WDR89: variants seen among roughly 807,000 people sequenced by gnomAD.
WDR89 encodes WD repeat-containing protein 89.
In WDR89, 17 loss-of-function variants were observed where a neutral mutation model predicts 29.1. That is an observed-to-expected ratio of 0.58 (90% CI 0.40 to 0.88). The LOEUF (loss-of-function observed/expected upper bound fraction) is 0.88. Ranked by LOEUF, WDR89 falls within the 40% of genes least tolerant of loss-of-function variation. WDR89 has a pLI of 0.00. For missense variants in WDR89, 396 were observed against 456.3 expected, an observed-to-expected ratio of 0.87 and a Z score of 1.20; for synonymous variants, 138 against 157.8, an observed-to-expected ratio of 0.87 and a Z score of 0.94.
At position 63,627,328 on chromosome 14, in the gene WDR89, G is replaced by T. The variant is rs143115076; in HGVS notation, c.-137-2295C>A. Among the ~76,000 whole-genome samples, 377 of 152,162 alleles carry T rather than the reference G, an allele frequency of 2.5e-3. 4 individuals are homozygous for T. The highest frequency in any genetic ancestry group is 2.5e-3 in the Non-Finnish European group (170 of 68,012). The stretch of plus-strand genomic sequence containing the variant: ...TATGTAAGGAAGGATATTTATTAAA[G>T]AATTGTAATAACAAAAAAACCTAAC... On this transcript the variant is annotated intron_variant, in intron 1 of 2. Coordinates refer to ENST00000620954, the MANE Select transcript of WDR89 (RefSeq NM_080666.4).
intron 1 of WDR89, among the ~76,000 whole-genome samples, chr14:63,635,786 G>C (rs1883695495): frequency 6.6e-6 from 1 of 152,144 alleles, no homozygotes; most frequent in South Asian, 2.1e-4. Flanking sequence ...AAAACTTTTG[G>C]ATACAAGATT....
intron 1 of WDR89, among the ~76,000 whole-genome samples, chr14:63,629,679 G>A (rs1265288114): frequency 6.6e-6 from 1 of 152,216 alleles, no homozygotes; most frequent in African/African-American, 2.4e-5. Flanking sequence ...TGTGATGTTG[G>A]ATGGGAAAGG....
At chr14:63,620,982 C>T (rs1202176960) in intron 2 of WDR89, among the ~76,000 whole-genome samples, 1 of 151,528 alleles carries the variant, frequency 6.6e-6, no homozygotes, top group East Asian at 1.9e-4. Flanking sequence ...GTATGTAAGG[C>T]AGTGGGTATG....
Position 63,599,301 on chromosome 14 carries a change from G to C in WDR89, c.642C>G (p.Asn214Lys). The change falls in exon 3 of 3, where the codon AAC (asparagine) becomes AAG (lysine). Residue 214 changes from asparagine to lysine, a missense_variant. Coordinates refer to ENST00000620954, the MANE Select transcript of WDR89 (RefSeq NM_080666.4). Reference sequence around the variant, plus strand: ...CAATACAGCTTACTGATGAAATTGAGTTACAGGTTGTAACCAGTGCATCCT... The same window carrying C: ...CAATACAGCTTACTGATGAAATTGACTTACAGGTTGTAACCAGTGCATCCT... ...NEEDALVTTC[N>K]SISSVSCIGW... The C allele has an allele frequency of 1.2e-6, 2 of 1,613,956 alleles. No homozygotes were observed. Among genetic ancestry groups the C allele is most frequent in the Non-Finnish European group, 1.7e-6 (2 of 1,179,980 alleles).
At chr14:63,622,453 T>C (rs1882760500) in intron 2 of WDR89, among the ~76,000 whole-genome samples, 2 of 152,132 alleles carry the variant, frequency 1.3e-5, no homozygotes, top group Non-Finnish European at 2.9e-5. Context: ...TGGTGGCACA[T>C]GCCTATAATC....
chr14:63,602,398 G>A (rs148355331), intron 2 of WDR89, among the ~76,000 whole-genome samples: 5 of 147,416 alleles, frequency 3.4e-5, no homozygotes, highest in African/African-American at 1.3e-4. Flanking sequence ...TTGAGGTAGA[G>A]GTTGCAATGA....
intron 2 of WDR89, among the ~76,000 whole-genome samples, chr14:63,622,207 G>A (rs1882739517): frequency 6.6e-6 from 1 of 152,098 alleles, no homozygotes; most frequent in Non-Finnish European, 1.5e-5. Flanking sequence ...GGCCGAGGTG[G>A]GTGGATCACC....
chr14:63,616,282 G>GA (rs1427832292), intron 2 of WDR89, among the ~76,000 whole-genome samples: 9 of 151,006 alleles, frequency 6.0e-5, no homozygotes, highest in Non-Finnish European at 1.0e-4. Flanking sequence ...CCAAACCAAA[G>GA]AAAAAAAACA....
intron 1 of WDR89, among the ~76,000 whole-genome samples, chr14:63,627,513 A>C (rs1883148357): frequency 6.6e-6 from 1 of 152,210 alleles, no homozygotes; most frequent in Non-Finnish European, 1.5e-5. Context: ...CATGTAATGA[A>C]TCCATCATTA....
At chr14:63,604,449 A>G (rs1895219078) in intron 2 of WDR89, among the ~76,000 whole-genome samples, 1 of 151,634 alleles carries the variant, frequency 6.6e-6, no homozygotes, top group Non-Finnish European at 1.5e-5. Flanking sequence ...ATGTTTAATT[A>G]TGAAGTATTT....
At position 63,599,976 on chromosome 14, in the gene WDR89, G is replaced by A; in HGVS notation, c.-31-3C>T. Reference sequence around the variant, plus strand: ...CAGCATCCAAGGGTAGTAAAACTCTGTAAAAAATAATAATAATAAAAATAA... The same window carrying A: ...CAGCATCCAAGGGTAGTAAAACTCTATAAAAAATAATAATAATAAAAATAA... On this transcript the variant is annotated splice_polypyrimidine_tract_variant and splice_region_variant and intron_variant, in intron 2 of 2. Coordinates refer to ENST00000620954, the MANE Select transcript of WDR89 (RefSeq NM_080666.4). The A allele has an allele frequency of 1.5e-6, 2 of 1,369,720 alleles. No individual in the cohort carries two copies. Among genetic ancestry groups the A allele is most frequent in the Non-Finnish European group, 1.9e-6 (2 of 1,044,444 alleles). The allele number at this position is 1,369,720 out of a possible 1,614,324, so 84.8% of individuals were successfully genotyped here. A position where few individuals can be genotyped will look rare whatever the true frequency, so the allele number is the denominator to read the frequency against.
rs1894917688 is a variant in WDR89 at position 63,599,004 on chromosome 14, C to T, written c.939G>A (p.Val313=). The part of the protein sequence containing the change: ...MNCSMSGLTH[V]TSLQGGHAAT... ...CAGCATGCCCTCCCTGAAGGCTAGT[C>T]ACATGGGTCAGTCCTGACATGCTGC... Residue 313 remains valine (V), a synonymous_variant, in exon 3 of 3, where the codon GTG becomes GTA. Transcript: ENST00000620954. 6.2e-7 allele frequency: 1 copy of T among 1,614,060 alleles called. No homozygotes were observed. Among genetic ancestry groups the T allele is most frequent in the Admixed American group, 1.7e-5 (1 of 60,000 alleles).
intron 1 of WDR89, among the ~76,000 whole-genome samples, chr14:63,637,486 C>T (rs1883810023): frequency 6.6e-6 from 1 of 152,166 alleles, no homozygotes; most frequent in African/African-American, 2.4e-5. Flanking sequence ...GCACAATTCA[C>T]AACTGCATAA....
At chr14:63,626,817 G>A (rs1883092980) in intron 1 of WDR89, among the ~76,000 whole-genome samples, 1 of 151,104 alleles carries the variant, frequency 6.6e-6, no homozygotes, top group African/African-American at 2.4e-5. Flanking sequence ...TCAGGAAATG[G>A]GCATCTGTAA....
At chr14:63,603,324 A>G (rs897514561) in intron 2 of WDR89, among the ~76,000 whole-genome samples, 2 of 152,124 alleles carry the variant, frequency 1.3e-5, no homozygotes, top group African/African-American at 4.8e-5. Context: ...GATGAGAGTT[A>G]GCTGCAGACA....
chr14:63,601,398 G>A, intron 2 of WDR89: 1 of 671,588 alleles, frequency 1.5e-6, no homozygotes, highest in Non-Finnish European at 2.6e-6. Context: ...TGCCTCTCCA[G>A]GGTGGGCTGT....
At chr14:63,636,145 G>T (rs1883723475) in intron 1 of WDR89, among the ~76,000 whole-genome samples, 1 of 152,148 alleles carries the variant, frequency 6.6e-6, no homozygotes, top group Non-Finnish European at 1.5e-5. Context: ...GGAGGTGGAG[G>T]TTGCAGTGAG....
intron 1 of WDR89, among the ~76,000 whole-genome samples, chr14:63,637,179 G>C (rs1471742526): frequency 1.3e-5 from 2 of 152,110 alleles, no homozygotes; most frequent in African/African-American, 4.8e-5. Flanking sequence ...CATCACTAAT[G>C]ATCAGGGAAA....
At chr14:63,618,411 T>C (rs1399174974) in intron 2 of WDR89, among the ~76,000 whole-genome samples, 1 of 152,142 alleles carries the variant, frequency 6.6e-6, no homozygotes, top group East Asian at 1.9e-4. Flanking sequence ...TGCCTCAGCC[T>C]CCCAAAGTGC....
Sources: gnomAD v4.1 joint callset for allele counts (sites outside exome capture counted in the v4.1 genomes callset) on GRCh38, gnomAD v4.1.1 for gene constraint, MANE v1.5 for transcripts, NCBI Gene and HGNC (gene_info 2026-07-23, HGNC 2026-07-21) for gene names.